MYPN: variants seen among roughly 807,000 people sequenced by gnomAD.
The protein encoded by MYPN is sarcomeric protein myopalladin, 145 kDa (MYOP).
A neutral mutation model predicts 129.4 loss-of-function variants in MYPN; 63 were observed. That is an observed-to-expected ratio of 0.49 (90% CI 0.40 to 0.60). The LOEUF is 0.60. Among genes scored for constraint, MYPN ranks in the 20% least tolerant of loss-of-function variants. The probability of loss-of-function intolerance (pLI) is 0.00; values close to 1 mark genes in which losing one functional copy is unlikely to be tolerated. For missense variants in MYPN, 1,596 were observed against 1,635.4 expected (o/e 0.98, Z 0.42); for synonymous variants, 629 against 600.9 (o/e 1.05, Z -0.68).
intron 2 of MYPN, among the ~76,000 whole-genome samples, chr10:68,131,112 G>GGC (rs1403893440): frequency 5.3e-5 from 8 of 152,096 alleles, no homozygotes; most frequent in African/African-American, 1.9e-4. Context: ...ATCTAGGCCG[G>GGC]GTGTGGGGGC....
intron 8 of MYPN, among the ~76,000 whole-genome samples, chr10:68,164,205 A>T (rs893122024): frequency 2.0e-5 from 3 of 152,208 alleles, no homozygotes; most frequent in Non-Finnish European, 2.9e-5. Context: ...AAAGCCCAAG[A>T]TCAAGGGGCC....
At chr10:68,169,883 G>T (rs908975436) in intron 10 of MYPN, among the ~76,000 whole-genome samples, 38 of 152,088 alleles carry the variant, frequency 2.5e-4, no homozygotes, top group African/African-American at 8.7e-4. Context: ...GTGATTACAG[G>T]TGCACACCAC....
chr10:68,118,668 T>A (rs572822381), intron 1 of MYPN, among the ~76,000 whole-genome samples: 1 of 152,144 alleles, frequency 6.6e-6, no homozygotes, highest in African/African-American at 2.4e-5. Flanking sequence ...ACCTCGTTCC[T>A]ACAGAAAATT....
intron 4 of MYPN, among the ~76,000 whole-genome samples, chr10:68,147,900 G>T (rs1193227597): frequency 6.6e-6 from 1 of 152,092 alleles, no homozygotes; most frequent in South Asian, 2.1e-4. Flanking sequence ...TTTCTGCCAT[G>T]CCAAATTCTC....
At chr10:68,127,478 G>A (rs940019108) in intron 2 of MYPN, among the ~76,000 whole-genome samples, 6 of 151,480 alleles carry the variant, frequency 4.0e-5, no homozygotes, top group African/African-American at 1.5e-4. Flanking sequence ...GGGATTACAG[G>A]CACGTGCCAC....
At chr10:68,173,574 TTTTATTTATTTATTTATTTATTTA>T (rs10688159) in intron 10 of MYPN, among the ~76,000 whole-genome samples, 2 of 140,754 alleles carry the variant, frequency 1.4e-5, no homozygotes, top group Non-Finnish European at 3.1e-5. Context: ...CATCAAGTTA[TTTTATTTATTTATTTATTTATTTA>T]TTTATTTATT....
rs1284303981 is a variant in MYPN, at chr10:68,199,383, C to A, written c.3301C>A (p.Pro1101Thr). The A allele has an allele frequency of 9.9e-6, 16 of 1,613,966 alleles. No homozygotes were observed. In the South Asian group the frequency reaches 1.8e-4, roughly 18 times the overall value. The change falls in exon 17 of 20, where the codon CCC becomes ACC. Residue 1101 changes from proline (P) to threonine (T), a missense_variant. Transcript: ENST00000358913. Reference sequence around the variant, plus strand: ...TGTTTATTAGGTGAGTGGTTTACCGCCCCCGGAGCTGACATGGCTACTCAA... The same window carrying A: ...TGTTTATTAGGTGAGTGGTTTACCGACCCCGGAGCTGACATGGCTACTCAA... Reference protein sequence around the residue: ...RLDCKVSGLPPPELTWLLNGQ... With the variant: ...RLDCKVSGLPTPELTWLLNGQ...
intron 2 of MYPN, among the ~76,000 whole-genome samples, chr10:68,127,153 G>A (rs1048961548): frequency 2.0e-5 from 3 of 151,432 alleles, no homozygotes; most frequent in Admixed American, 6.6e-5. Flanking sequence ...ACAGGTGCCC[G>A]CCACCACACC....
rs1388060526 is a variant in MYPN at position 68,174,086 on chromosome 10, A to T, written c.1994A>T (p.Gln665Leu). ...KPKLDSTQLQ[Q>L]LHNQVLLEQH... ...TACAGTGATTCCACTCAGTTACAAC[A>T]GCTTCATAACCAAGTCTTACTGGAA... is the stretch of plus-strand genomic sequence containing the variant. Residue 665 changes from glutamine (Q) to leucine (L), a missense_variant, in exon 11 of 20, where the codon CAG becomes CTG. By Grantham distance (113) the Gln-to-Leu change is moderately radical. Coordinates refer to ENST00000358913, the MANE Select transcript of MYPN (RefSeq NM_032578.4). 1 of 1,613,898 alleles carries T rather than the reference A, an allele frequency of 6.2e-7. No individual in the cohort carries two copies. The highest frequency in any genetic ancestry group is 1.1e-5 in the South Asian group (1 of 91,072).
intron 15 of MYPN, among the ~76,000 whole-genome samples, chr10:68,195,987 A>G (rs2134283683): frequency 6.6e-6 from 1 of 152,124 alleles, no homozygotes; most frequent in South Asian, 2.1e-4. Flanking sequence ...GTGTGTGTGT[A>G]GAGACAGGTG....
chr10:68,152,437 A>G (rs2042787953), intron 6 of MYPN, among the ~76,000 whole-genome samples: 1 of 151,940 alleles, frequency 6.6e-6, no homozygotes. Context: ...TAAGAATTTC[A>G]TTTTTGGTTG....
At chr10:68,126,481 C>A (rs1209104999) in intron 2 of MYPN, among the ~76,000 whole-genome samples, 3 of 152,074 alleles carry the variant, frequency 2.0e-5, no homozygotes, top group Non-Finnish European at 2.9e-5. Flanking sequence ...TAAGTCACAC[C>A]TGGAAAAAAT....
chr10:68,141,135 A>G (rs983302964), intron 2 of MYPN, among the ~76,000 whole-genome samples: 1 of 152,130 alleles, frequency 6.6e-6, no homozygotes, highest in African/African-American at 2.4e-5. Flanking sequence ...CTCTGGGAGG[A>G]CAAGGCGGGT....
intron 1 of MYPN, among the ~76,000 whole-genome samples, chr10:68,116,499 A>G (rs1214189058): frequency 6.6e-6 from 1 of 152,224 alleles, no homozygotes; most frequent in Non-Finnish European, 1.5e-5. Flanking sequence ...GATTATAATC[A>G]GATGTTCTCT....
intron 2 of MYPN, among the ~76,000 whole-genome samples, chr10:68,129,847 G>A (rs1450910580): frequency 2.0e-5 from 3 of 152,154 alleles, no homozygotes; most frequent in Non-Finnish European, 2.9e-5. Flanking sequence ...TCTCAGATGA[G>A]ATTGGCTCTA....
chr10:68,183,103 C>T (rs1348020327), intron 12 of MYPN, among the ~76,000 whole-genome samples: 1 of 151,986 alleles, frequency 6.6e-6, no homozygotes, highest in Non-Finnish European at 1.5e-5. Context: ...GTGCTTAAAG[C>T]TATATATAAC....
chr10:68,097,216 T>G (rs2041961050), intron 1 of MYPN, among the ~76,000 whole-genome samples: 1 of 152,252 alleles, frequency 6.6e-6, no homozygotes, highest in Non-Finnish European at 1.5e-5. Context: ...AAGATGTAAG[T>G]GATCTGATTT....
Position 68,148,383 on chromosome 10 carries a change from T to C in MYPN, c.1161T>C (p.Pro387=), listed in dbSNP as rs377505445. Residue 387 remains proline (P), a synonymous_variant, in exon 5 of 20, where the codon CCT becomes CCC. Coordinates refer to ENST00000358913, the MANE Select transcript of MYPN (RefSeq NM_032578.4). ...AGAAGCCAAATGAGGTGTCATCTCCTCCCACTACCTCTGCAGTCATTCCTC... is the reference window on the plus strand; with the variant it reads ...AGAAGCCAAATGAGGTGTCATCTCCCCCCACTACCTCTGCAGTCATTCCTC... ...RIQKPNEVSS[P]PTTSAVIPPA... 6.2e-7 allele frequency: 1 copy of C among 1,614,114 alleles called. No individual in the cohort carries two copies. The highest frequency in any genetic ancestry group is 1.3e-5 in the African/African-American group (1 of 75,048).
At chr10:68,094,197 C>T (rs1334617617) in intron 1 of MYPN, among the ~76,000 whole-genome samples, 2 of 152,088 alleles carry the variant, frequency 1.3e-5, no homozygotes, top group Non-Finnish European at 2.9e-5. Flanking sequence ...CTGTCTCATC[C>T]TGTGACTAAG....
Sources: allele counts gnomAD v4.1 joint callset (sites outside exome capture counted in the v4.1 genomes callset), GRCh38; gene constraint gnomAD v4.1.1; transcripts MANE v1.5; gene names NCBI Gene and HGNC (gene_info 2026-07-23, HGNC 2026-07-21).